PUM2: variants seen among roughly 807,000 people sequenced by gnomAD.
PUM2 encodes the protein pumilio homolog 2.
Under a neutral mutation model 124.5 loss-of-function variants are expected in PUM2, and 57 were observed. The ratio of observed to expected loss-of-function variants is 0.46; its 90% CI spans 0.37 to 0.57. The LOEUF is 0.57. Ranked by LOEUF, PUM2 falls within the 20% of genes least tolerant of loss-of-function variation. PUM2 has a pLI of 0.00. For synonymous variants in PUM2, 460 were observed against 446.1 expected (o/e 1.03, Z -0.39); for missense variants, 1,065 against 1,290.6 (o/e 0.83, Z 2.68).
intron 1 of PUM2, among the ~76,000 whole-genome samples, chr2:20,343,882 C>T (rs567992798): frequency 6.6e-6 from 1 of 151,872 alleles, no homozygotes; most frequent in Admixed American, 6.5e-5. Context: ...TGAGCAGTGA[C>T]TGCACCACTG....
At chr2:20,344,907 C>T (rs1282249516) in intron 1 of PUM2, among the ~76,000 whole-genome samples, 11 of 138,448 alleles carry the variant, frequency 7.9e-5, no homozygotes, top group African/African-American at 2.4e-4. Context: ...GGCGTGAACC[C>T]GGGAGGCGGA....
intron 1 of PUM2, among the ~76,000 whole-genome samples, chr2:20,339,935 T>C (rs1686902394): frequency 1.3e-5 from 2 of 152,000 alleles, no homozygotes; most frequent in Admixed American, 6.5e-5. Context: ...TAAGTATTTA[T>C]AAATGTCATT....
chr2:20,255,650 A>C (rs1664590126), intron 17 of PUM2, among the ~76,000 whole-genome samples: 1 of 152,194 alleles, frequency 6.6e-6, no homozygotes, highest in South Asian at 2.1e-4. Flanking sequence ...TTCAGCATTA[A>C]GAAATATTAA....
intron 1 of PUM2, among the ~76,000 whole-genome samples, chr2:20,344,982 CAA>C (rs762460030): frequency 1.5e-5 from 1 of 66,262 alleles, no homozygotes; most frequent in South Asian, 7.0e-4. Context: ...GACTCTGTCT[CAA>C]AAAAAAAAAA....
intron 20 of PUM2, among the ~76,000 whole-genome samples, chr2:20,253,614 G>C (rs1010462687): frequency 6.6e-6 from 1 of 151,878 alleles, no homozygotes; most frequent in Non-Finnish European, 1.5e-5. Context: ...CAATCTGCTG[G>C]AATTATGGGC....
At chr2:20,337,132 A>T (rs951772498) in intron 1 of PUM2, among the ~76,000 whole-genome samples, 1 of 152,170 alleles carries the variant, frequency 6.6e-6, no homozygotes, top group Non-Finnish European at 1.5e-5. Context: ...AAGCGGGGGA[A>T]GCAGATTACA....
intron 2 of PUM2, among the ~76,000 whole-genome samples, chr2:20,324,237 G>A (rs988925430): frequency 6.6e-6 from 1 of 152,114 alleles, no homozygotes; most frequent in Non-Finnish European, 1.5e-5. Flanking sequence ...ACACTAGGGA[G>A]AGATCTAGGA....
intron 1 of PUM2, among the ~76,000 whole-genome samples, chr2:20,336,786 GTGTGT>G (rs1686201582): frequency 7.0e-6 from 1 of 141,932 alleles, no homozygotes; most frequent in African/African-American, 2.7e-5. Flanking sequence ...GTGTGTGTGT[GTGTGT>G]GTGTGTGTGT....
In PUM2 at chr2:20,342,484, T is replaced by A. The variant is rs1215292537; in HGVS notation, c.-19+8113A>T. Among the ~76,000 whole-genome samples the A allele has an allele frequency of 2.0e-5, 3 of 152,232 alleles. No individual in the cohort carries two copies. The East Asian group carries it at 5.8e-4, about 29-fold the overall frequency. On this transcript the variant is annotated intron_variant, in intron 1 of 20. Transcript: ENST00000361078. ...CTTAACCCAGTATTACCATAACTTT[T>A]CTGTAAATGTTAACACAAATACATT...
chr2:20,292,468 T>G lies in PUM2; in HGVS notation c.1153-1678A>C, dbSNP rs540468643. Among the ~76,000 whole-genome samples the G allele has an allele frequency of 1.3e-3, 204 of 152,180 alleles. 2 individuals are homozygous for G. Among genetic ancestry groups the G allele is most frequent in the Admixed American group, 0.011 (161 of 15,296 alleles). ...ACCTCTACCTCCTGGATTCAAGTGC[T>G]TCTCCCACCTCAGCCTCCCCAGTAG... On this transcript the variant is annotated intron_variant, in intron 9 of 20. Coordinates refer to ENST00000361078, the MANE Select transcript of PUM2 (RefSeq NM_015317.5).
At chr2:20,289,640 G>C (rs917699526) in intron 10 of PUM2, among the ~76,000 whole-genome samples, 7 of 152,202 alleles carry the variant, frequency 4.6e-5, no homozygotes, top group African/African-American at 1.7e-4. Flanking sequence ...AACCAGACAA[G>C]ATGATAAATT....
intron 1 of PUM2, among the ~76,000 whole-genome samples, chr2:20,339,014 G>T (rs1261924722): frequency 2.0e-5 from 3 of 152,058 alleles, no homozygotes; most frequent in Admixed American, 2.0e-4. Flanking sequence ...TTATAGTCAT[G>T]TTAACTTGGA....
At chr2:20,280,891 G>A (rs779173481) in intron 12 of PUM2, among the ~76,000 whole-genome samples, 8 of 152,130 alleles carry the variant, frequency 5.3e-5, no homozygotes, top group African/African-American at 9.7e-5. Context: ...TAAATTATAT[G>A]TTACGATGTT....
At chr2:20,296,405 G>A (rs1675560353) in intron 8 of PUM2, among the ~76,000 whole-genome samples, 1 of 151,900 alleles carries the variant, frequency 6.6e-6, no homozygotes, top group Non-Finnish European at 1.5e-5. Flanking sequence ...TGAGGCAGGA[G>A]AATGGTGTGA....
rs1407148254 is a variant in PUM2 at position 20,350,812 on chromosome 2, C to T, written c.-234G>A. ...GAGGGTGAGACACAGAGACTCACAA[C>T]AACATGGCTGCCACCGCCGCCTGCC... On this transcript the variant is annotated 5_prime_UTR_variant, in exon 1 of 21. Coordinates refer to ENST00000361078, the MANE Select transcript of PUM2 (RefSeq NM_015317.5). 2.0e-6 allele frequency: 2 copies of T among 980,182 alleles called. No individual in the cohort carries two copies. The highest frequency in any genetic ancestry group is 5.2e-4 in the Middle Eastern group (1 of 1,916). 60.7% of individuals were successfully genotyped at this position (980,182 alleles called of 1,614,324 possible). A position where few individuals can be genotyped will look rare whatever the true frequency, so the allele number is the denominator to read the frequency against.
chr2:20,318,550 T>C lies in PUM2; in HGVS notation c.147A>G (p.Ala49=). 1 of 1,611,172 alleles carries C rather than the reference T, an allele frequency of 6.2e-7. No individual in the cohort carries two copies. The highest frequency in any genetic ancestry group is 2.2e-5 in the East Asian group (1 of 44,856). Residue 49 remains alanine (A), a synonymous_variant, in exon 3 of 21, where the codon GCA becomes GCG. Transcript: ENST00000361078. ...CCAGTAACTTACGAGAAGCTCCCCA[T>C]GCAGTCTCTCTCCATTCATCATCCC... ...FLGDDEWRET[A]WGASHHSMSQ...
intron 3 of PUM2, among the ~76,000 whole-genome samples, chr2:20,315,680 G>C (rs1040812473): frequency 1.1e-4 from 17 of 151,782 alleles, no homozygotes; most frequent in African/African-American, 4.1e-4. Flanking sequence ...TCTTTGGTTG[G>C]CTGGGCATAG....
chr2:20,273,346 A>G (rs1669479314), intron 13 of PUM2, among the ~76,000 whole-genome samples: 1 of 152,194 alleles, frequency 6.6e-6, no homozygotes, highest in Non-Finnish European at 1.5e-5. Context: ...ACTACGAGGC[A>G]TTTTAAACAA....
intron 7 of PUM2, among the ~76,000 whole-genome samples, chr2:20,304,346 T>C (rs1423748057): frequency 1.3e-5 from 2 of 152,216 alleles, no homozygotes; most frequent in African/African-American, 4.8e-5. Flanking sequence ...TTCTATCCTA[T>C]CTATTATTTC....
Sources: gnomAD v4.1 joint callset for allele counts (sites outside exome capture counted in the v4.1 genomes callset) on GRCh38, gnomAD v4.1.1 for gene constraint, MANE v1.5 for transcripts, NCBI Gene and HGNC (gene_info 2026-07-23, HGNC 2026-07-21) for gene names.